OPCML: variants seen among roughly 807,000 people sequenced by gnomAD.
OPCML encodes opioid-binding protein/cell adhesion molecule.
In OPCML, 13 loss-of-function variants were observed where a neutral mutation model predicts 37.8. That is an observed-to-expected ratio of 0.34 (90% CI 0.22 to 0.55). The LOEUF is 0.55. OPCML is among the 20% of genes least tolerant of loss of function. OPCML has a pLI of 0.91. For synonymous variants in OPCML, 176 were observed against 168.8 expected, an observed-to-expected ratio of 1.04 and a Z score of -0.33; for missense variants, 341 against 435.6, an observed-to-expected ratio of 0.78 and a Z score of 1.93.
chr11:132,800,868 G>A (rs1938607580), intron 2 of OPCML, among the ~76,000 whole-genome samples: 1 of 152,048 alleles, frequency 6.6e-6, no homozygotes, highest in South Asian at 2.1e-4. Flanking sequence ...TTTTACATGT[G>A]ATGTACTTGC....
chr11:133,081,796 C>G (rs1316903870), intron 1 of OPCML, among the ~76,000 whole-genome samples: 1 of 152,130 alleles, frequency 6.6e-6, no homozygotes, highest in Non-Finnish European at 1.5e-5. Flanking sequence ...ACATCCAGCC[C>G]CCGCCGTTCG....
At chr11:133,271,260 C>T (rs1390691406) in intron 1 of OPCML, among the ~76,000 whole-genome samples, 1 of 152,122 alleles carries the variant, frequency 6.6e-6, no homozygotes, top group African/African-American at 2.4e-5. Flanking sequence ...CAGAACCTGG[C>T]CCAGAGTAAA....
At chr11:133,007,804 T>C (rs368822068) in intron 1 of OPCML, 14 of 985,324 alleles carry the variant, frequency 1.4e-5, no homozygotes, top group Non-Finnish European at 1.7e-5. Flanking sequence ...TCATATCTCC[T>C]TGTGGCGGGA....
chr11:132,970,062 C>T (rs904382699), intron 1 of OPCML, among the ~76,000 whole-genome samples: 1 of 152,104 alleles, frequency 6.6e-6, no homozygotes, highest in African/African-American at 2.4e-5. Flanking sequence ...CCTCCTGGCT[C>T]TCTTGTTTGC....
chr11:133,440,824 A>C (rs1363521364), intron 1 of OPCML, among the ~76,000 whole-genome samples: 1 of 146,094 alleles, frequency 6.8e-6, no homozygotes, highest in Non-Finnish European at 1.5e-5. Context: ...GTATATATAT[A>C]TATATAAATC....
rs1565636481 is a variant in OPCML, at chr11:133,442,985, C to T, written c.61+89279G>A. 3.3e-5 allele frequency among the ~76,000 whole-genome samples: 5 copies of T among 151,912 alleles called. No individual in the cohort carries two copies. In the South Asian group the frequency reaches 1.0e-3, roughly 32 times the overall value. On this transcript the variant is annotated intron_variant, in intron 1 of 7. Transcript: ENST00000524381. ...TAATAGCAATAGCTATTCTTTGAAT[C>T]TTTTTCAAGAAGATATTCATGTAAT...
chr11:132,511,658 A>C (rs1267469486), intron 4 of OPCML, among the ~76,000 whole-genome samples: 1 of 152,048 alleles, frequency 6.6e-6, no homozygotes, highest in Admixed American at 6.5e-5. Context: ...AAAAAGGATT[A>C]TGTTTTCCAC....
intron 1 of OPCML, chr11:133,005,799 T>C: frequency 2.0e-6 from 2 of 985,242 alleles, no homozygotes; most frequent in South Asian, 4.7e-5. Context: ...AATTAGGAGA[T>C]GGGCATTTCC....
intron 1 of OPCML, among the ~76,000 whole-genome samples, chr11:133,250,895 C>A (rs1941110851): frequency 6.6e-6 from 1 of 152,082 alleles, no homozygotes; most frequent in Non-Finnish European, 1.5e-5. Flanking sequence ...CCTGAAATGC[C>A]TCCCATTCCC....
At chr11:133,515,933 G>C (rs1478295038) in intron 1 of OPCML, among the ~76,000 whole-genome samples, 1 of 152,080 alleles carries the variant, frequency 6.6e-6, no homozygotes, top group Non-Finnish European at 1.5e-5. Context: ...CGCAGAGTGA[G>C]CAGTTGAGCA....
At chr11:133,408,723 C>A (rs1945579905) in intron 1 of OPCML, among the ~76,000 whole-genome samples, 1 of 152,080 alleles carries the variant, frequency 6.6e-6, no homozygotes, top group Non-Finnish European at 1.5e-5. Context: ...GGGAGGAAAC[C>A]AAAAGACCCT....
intron 3 of OPCML, among the ~76,000 whole-genome samples, chr11:132,638,618 T>C (rs1331571823): frequency 3.9e-5 from 6 of 152,178 alleles, no homozygotes; most frequent in Non-Finnish European, 8.8e-5. Context: ...TTGTGGAACC[T>C]CTGATTGGCC....
At chr11:132,471,872 C>T (rs2096139061) in intron 4 of OPCML, among the ~76,000 whole-genome samples, 1 of 152,236 alleles carries the variant, frequency 6.6e-6, no homozygotes, top group Non-Finnish European at 1.5e-5. Flanking sequence ...CTCCAGCCCA[C>T]ATTGAAAGCA....
At chr11:133,110,268 T>A (rs554000296) in intron 1 of OPCML, among the ~76,000 whole-genome samples, 1 of 152,298 alleles carries the variant, frequency 6.6e-6, no homozygotes, top group South Asian at 2.1e-4. Flanking sequence ...CACCTTAGAA[T>A]AATAAGTGCT....
chr11:132,536,195 T>A (rs1356785163), intron 3 of OPCML, among the ~76,000 whole-genome samples: 1 of 152,168 alleles, frequency 6.6e-6, no homozygotes, highest in Non-Finnish European at 1.5e-5. Flanking sequence ...CTCCACAAGG[T>A]AACTGCAAGG....
At chr11:133,329,915 G>A (rs1943576886) in intron 1 of OPCML, among the ~76,000 whole-genome samples, 1 of 152,016 alleles carries the variant, frequency 6.6e-6, no homozygotes, top group African/African-American at 2.4e-5. Context: ...TACAGAATGG[G>A]AGAAAATTTT....
chr11:132,453,144 G>A (rs1035698162), intron 4 of OPCML, among the ~76,000 whole-genome samples: 5 of 152,296 alleles, frequency 3.3e-5, no homozygotes, highest in Middle Eastern at 6.8e-3. Context: ...CCTGTAGAAC[G>A]TACATTTATC....
At chr11:132,880,366 C>T (rs929852274) in intron 2 of OPCML, among the ~76,000 whole-genome samples, 1 of 152,196 alleles carries the variant, frequency 6.6e-6, no homozygotes, top group Non-Finnish European at 1.5e-5. Flanking sequence ...GGGTCACAAA[C>T]TCCACGGGCC....
chr11:133,408,410 C>T (rs549528243), intron 1 of OPCML, among the ~76,000 whole-genome samples: 26 of 152,322 alleles, frequency 1.7e-4, no homozygotes, highest in African/African-American at 5.5e-4. Flanking sequence ...AGAAAGATGG[C>T]GGGCTTGCTG....
Sources: gnomAD v4.1 joint callset for allele counts (sites outside exome capture counted in the v4.1 genomes callset) on GRCh38, gnomAD v4.1.1 for gene constraint, MANE v1.5 for transcripts, NCBI Gene and HGNC (gene_info 2026-07-23, HGNC 2026-07-21) for gene names.